The following CNTN3 variants were observed in gnomAD, a reference collection of about 807,000 sequenced individuals.
The protein encoded by CNTN3 is contactin-3.
In CNTN3, 60 loss-of-function variants were observed where a neutral mutation model predicts 119.1. That is an observed-to-expected ratio of 0.50 (90% CI 0.41 to 0.62). The LOEUF (loss-of-function observed/expected upper bound fraction) is 0.62. Among genes scored for constraint, CNTN3 ranks in the 20% least tolerant of loss-of-function variants. The probability of loss-of-function intolerance (pLI) is 0.00; values close to 1 mark genes in which losing one functional copy is unlikely to be tolerated. For missense variants in CNTN3, 1,101 were observed against 1,242.4 expected, an observed-to-expected ratio of 0.89 and a Z score of 1.71; for synonymous variants, 450 against 438.7, an observed-to-expected ratio of 1.03 and a Z score of -0.32.
chr3:74,490,685 C>A lies in CNTN3; in HGVS notation c.183-4054G>T, dbSNP rs947937011. 2.6e-5 allele frequency among the ~76,000 whole-genome samples: 4 copies of A among 152,198 alleles called. No homozygotes were observed. In the South Asian group the frequency reaches 8.3e-4, roughly 32 times the overall value. ...GGAGAAAGATTTGTTCCATTACACACAAACGCTTCTCACTTCCTTTAGTTC... is the reference window on the plus strand; with the variant it reads ...GGAGAAAGATTTGTTCCATTACACAAAAACGCTTCTCACTTCCTTTAGTTC... On this transcript the variant is annotated intron_variant, in intron 3 of 22. Transcript: ENST00000263665.
Position 74,552,615 on chromosome 3 carries a change from C to T in CNTN3, c.-80-31423G>A, listed in dbSNP as rs574621520. On this transcript the variant is annotated intron_variant, in intron 1 of 22. Transcript: ENST00000263665. ...AATATCTTTTTTTGGAATGTTGTCT[C>T]ATATGATTTGGCTCTGTGTCCCTAC... 4.8e-4 allele frequency among the ~76,000 whole-genome samples: 73 copies of T among 152,260 alleles called. 1 individual carries two copies. In the South Asian group the frequency reaches 0.014, roughly 30 times the overall value.
In CNTN3 at chr3:74,497,131, T is replaced by A. The variant is rs942896491; in HGVS notation, c.182+2528A>T. 2.6e-5 allele frequency among the ~76,000 whole-genome samples: 4 copies of A among 152,002 alleles called. No homozygotes were observed. The South Asian group carries it at 8.3e-4, about 32-fold the overall frequency. On this transcript the variant is annotated intron_variant, in intron 3 of 22. Coordinates refer to ENST00000263665, the MANE Select transcript of CNTN3 (RefSeq NM_020872.3). The stretch of plus-strand genomic sequence containing the variant: ...ATTTATGATTATATATGTTAAAAAA[T>A]ACTTTTTCTGACTTCATGTAAAAAG...
At chr3:74,393,088 G>T (rs1226291214) in intron 5 of CNTN3, among the ~76,000 whole-genome samples, 1 of 152,276 alleles carries the variant, frequency 6.6e-6, no homozygotes, top group South Asian at 2.1e-4. Context: ...AACACTCCAT[G>T]AAGTGCATCT....
At chr3:74,464,246 A>G (rs7429824) in intron 4 of CNTN3, among the ~76,000 whole-genome samples, 88,999 of 152,030 alleles carry the variant, frequency 0.59, 26,789 homozygotes, top group African/African-American at 0.7. Flanking sequence ...ATAATTTATA[A>G]TTACAATAGC....
chr3:74,316,749 C>T (rs191818503), intron 13 of CNTN3, among the ~76,000 whole-genome samples: 69 of 152,034 alleles, frequency 4.5e-4, no homozygotes, highest in Non-Finnish European at 7.9e-4. Flanking sequence ...CACGGTGAAA[C>T]CCTGTCTCTA....
intron 11 of CNTN3, among the ~76,000 whole-genome samples, chr3:74,356,702 T>G (rs1366916067): frequency 1.3e-5 from 2 of 152,126 alleles, no homozygotes; most frequent in East Asian, 3.8e-4. Context: ...TGTTATCTAC[T>G]CATAGCAGCT....
intron 1 of CNTN3, among the ~76,000 whole-genome samples, chr3:74,597,370 G>A (rs1704831014): frequency 6.6e-6 from 1 of 151,870 alleles, no homozygotes; most frequent in Admixed American, 6.6e-5. Flanking sequence ...AGAACTACAT[G>A]TTATCAGGCA....
intron 4 of CNTN3, among the ~76,000 whole-genome samples, chr3:74,475,014 T>G (rs1702629755): frequency 6.6e-6 from 1 of 152,168 alleles, no homozygotes; most frequent in Non-Finnish European, 1.5e-5. Context: ...TCATACTTCC[T>G]GTACAGCCTG....
At chr3:74,317,991 T>C (rs1702878587) in intron 13 of CNTN3, among the ~76,000 whole-genome samples, 1 of 152,222 alleles carries the variant, frequency 6.6e-6, no homozygotes, top group Admixed American at 6.5e-5. Flanking sequence ...GACGTAGATT[T>C]GGTATTTTCA....
intron 1 of CNTN3, among the ~76,000 whole-genome samples, chr3:74,571,545 T>C (rs1704333983): frequency 6.6e-6 from 1 of 152,174 alleles, no homozygotes; most frequent in African/African-American, 2.4e-5. Flanking sequence ...CCTGCTTTTA[T>C]GGGGTGATTA....
At chr3:74,432,321 C>T (rs143405668) in intron 4 of CNTN3, among the ~76,000 whole-genome samples, 79 of 150,672 alleles carry the variant, frequency 5.2e-4, no homozygotes, top group African/African-American at 1.7e-3. Context: ...CCCTAGGCCA[C>T]ATTGGAAGAA....
intron 4 of CNTN3, among the ~76,000 whole-genome samples, chr3:74,436,269 C>T (rs560019958): frequency 4.5e-4 from 69 of 152,308 alleles, no homozygotes; most frequent in Admixed American, 2.0e-4. Flanking sequence ...CTTCTCTGAA[C>T]ATTTTGGATG....
intron 2 of CNTN3, 44 bp from the exon 3 acceptor site, chr3:74,499,829 G>C: frequency 1.9e-6 from 3 of 1,543,170 alleles, no homozygotes; most frequent in Non-Finnish European, 2.6e-6. Flanking sequence ...TCAGTAAAAG[G>C]CATTGTAAAA....
chr3:74,364,429 C>A (rs1175516659), intron 10 of CNTN3, 38 bp downstream of exon 10: 42 of 1,586,078 alleles, frequency 2.6e-5, no homozygotes, highest in Non-Finnish European at 3.3e-5. Flanking sequence ...GGATTTAAGA[C>A]AAAAAATTAA....
intron 20 of CNTN3, among the ~76,000 whole-genome samples, chr3:74,282,695 T>A (rs1325489763): frequency 6.7e-6 from 1 of 148,716 alleles, no homozygotes; most frequent in Non-Finnish European, 1.5e-5. Flanking sequence ...AAATTTTAAA[T>A]AGGATTTGCA....
intron 1 of CNTN3, among the ~76,000 whole-genome samples, chr3:74,525,689 A>G (rs1703609281): frequency 6.6e-6 from 1 of 151,882 alleles, no homozygotes; most frequent in South Asian, 2.1e-4. Context: ...TATATTCACA[A>G]CACGTTCTCA....
chr3:74,551,508 T>C (rs555118189), intron 1 of CNTN3, among the ~76,000 whole-genome samples: 16 of 152,166 alleles, frequency 1.1e-4, no homozygotes, highest in African/African-American at 3.4e-4. Flanking sequence ...TAGTTTACAT[T>C]AGGGTTCACT....
intron 5 of CNTN3, among the ~76,000 whole-genome samples, chr3:74,386,691 C>A (rs1704752461): frequency 6.6e-6 from 1 of 152,176 alleles, no homozygotes; most frequent in South Asian, 2.1e-4. Flanking sequence ...CTCTATTCTT[C>A]AGTTTCCTTG....
At chr3:74,456,883 C>G (rs1702279643) in intron 4 of CNTN3, among the ~76,000 whole-genome samples, 1 of 151,918 alleles carries the variant, frequency 6.6e-6, no homozygotes, top group African/African-American at 2.4e-5. Context: ...AGATTACACT[C>G]AAAGGCAAAA....
Sources: allele counts gnomAD v4.1 joint callset (sites outside exome capture counted in the v4.1 genomes callset), GRCh38; gene constraint gnomAD v4.1.1; transcripts MANE v1.5; gene names NCBI Gene and HGNC (gene_info 2026-07-23, HGNC 2026-07-21).